Variants in NEIL3 observed in about 807,000 individuals in gnomAD.
NEIL3 encodes the protein nei like DNA glycosylase 3.
Under a neutral mutation model 57.5 loss-of-function variants are expected in NEIL3, and 48 were observed. That is an observed-to-expected ratio of 0.83 (90% CI 0.66 to 1.06). NEIL3 has a LOEUF of 1.06. Ranked by LOEUF, NEIL3 falls within the 50% of genes least tolerant of loss-of-function variation. The pLI, the probability that NEIL3 is intolerant of heterozygous loss-of-function variation, is 0.00. For missense variants in NEIL3, 717 were observed against 739.1 expected (o/e 0.97, Z 0.35); for synonymous variants, 261 against 253.2 (o/e 1.03, Z -0.29).
intron 8 of NEIL3, among the ~76,000 whole-genome samples, chr4:177,357,733 T>C (rs1341564012): frequency 3.3e-5 from 5 of 152,182 alleles, no homozygotes; most frequent in Admixed American, 1.3e-4. Context: ...TTTACATTTG[T>C]TTAGATATTA....
chr4:177,368,648 A>G, the NEIL3 span, among the ~76,000 whole-genome samples: 2 of 152,198 alleles, frequency 1.3e-5, no homozygotes, highest in Non-Finnish European at 2.9e-5. Flanking sequence ...TTGTAGATGG[A>G]GGTTTAATAT....
chr4:177,347,126 G>A (rs925941893), intron 6 of NEIL3, among the ~76,000 whole-genome samples: 3 of 152,148 alleles, frequency 2.0e-5, no homozygotes, highest in East Asian at 3.9e-4. Context: ...TGACGGAGAC[G>A]GCTCATTTTT....
In NEIL3 at chr4:177,351,376, A is replaced by C. The variant is rs764180605; in HGVS notation, c.870-4A>C. 41 of 1,597,600 alleles carry C rather than the reference A, an allele frequency of 2.6e-5. No homozygotes were observed. The African/African-American group carries it at 4.7e-4, about 18-fold the overall frequency. On this transcript the variant is annotated splice_region_variant and splice_polypyrimidine_tract_variant and intron_variant, in intron 6 of 9. Coordinates refer to ENST00000264596, the MANE Select transcript of NEIL3 (RefSeq NM_018248.3). ...AATGATTAATTTTAAAAATTATCTT[A>C]TAGCAAGCTACCGACTAGAAATACT...
rs183662788 is a variant in NEIL3, at chr4:177,362,523, G to A, written c.*52G>A. 1 of 1,339,890 alleles carries A rather than the reference G, an allele frequency of 7.5e-7. No individual in the cohort carries two copies. Among genetic ancestry groups the A allele is most frequent in the South Asian group, 1.5e-5 (1 of 68,938 alleles). The allele number at this position is 1,339,890 out of a possible 1,614,324, so 83.0% of individuals were successfully genotyped here. A position where few individuals can be genotyped will look rare whatever the true frequency, so the allele number is the denominator to read the frequency against. Reference sequence around the variant, plus strand: ...CTCTTCAAACTGTGTATAATGTTTGGTCCTCCTCTGTTTCATAGAAAAGTC... The same window carrying A: ...CTCTTCAAACTGTGTATAATGTTTGATCCTCCTCTGTTTCATAGAAAAGTC... On this transcript the variant is annotated 3_prime_UTR_variant, in exon 10 of 10. Transcript: ENST00000264596.
intron 1 of NEIL3, among the ~76,000 whole-genome samples, 192 bp downstream of exon 1, chr4:177,310,301 G>A (rs1246543403): frequency 2.0e-5 from 3 of 152,242 alleles, no homozygotes; most frequent in Non-Finnish European, 4.4e-5. Context: ...CAGGAGAGGA[G>A]GGCTAGCGTT....
chr4:177,327,441 A>G (rs1435506759), intron 2 of NEIL3, among the ~76,000 whole-genome samples: 1 of 152,142 alleles, frequency 6.6e-6, no homozygotes, highest in East Asian at 1.9e-4. Flanking sequence ...ATTTACTTCA[A>G]GTTCTAGGAT....
intron 2 of NEIL3, among the ~76,000 whole-genome samples, chr4:177,324,327 CA>C (rs1734739433): frequency 6.6e-6 from 1 of 152,162 alleles, no homozygotes; most frequent in Admixed American, 6.6e-5. Context: ...CAACTTTTCA[CA>C]AGCAAAATTG....
At chr4:177,364,954 A>G (rs1024951158), downstream of NEIL3, among the ~76,000 whole-genome samples, 1 of 151,800 alleles carries the variant, frequency 6.6e-6, no homozygotes, top group Admixed American at 6.6e-5. Context: ...CTGAGCCAAG[A>G]TATTATCTGC....
At chr4:177,366,103 AG>A (rs750479464), downstream of NEIL3, among the ~76,000 whole-genome samples, 2 of 152,362 alleles carry the variant, frequency 1.3e-5, no homozygotes, top group Non-Finnish European at 2.9e-5. Context: ...AATATTCAAG[AG>A]GCAATACAGA....
In NEIL3 at chr4:177,335,744, A is replaced by G. The variant is rs1337811429; in HGVS notation, c.335A>G (p.Lys112Arg). 1.3e-6 allele frequency: 2 copies of G among 1,597,536 alleles called. No homozygotes were observed. The highest frequency in any genetic ancestry group is 3.5e-5 in the Admixed American group (2 of 56,622). The change falls in exon 3 of 10, where the codon AAA (lysine) becomes AGA (arginine). Residue 112 changes from lysine (K) to arginine (R), a missense_variant. Transcript: ENST00000264596. ...IMINPLEYKY[K>R]NGASPVLEVQ... ...ATTAATCCACTTGAGTATAAATATA[A>G]AAATGGAGCTTCTCCTGTTTTGGAA...
Position 177,353,360 on chromosome 4 carries a change from G to C in NEIL3, c.1092G>C (p.Lys364Asn), listed in dbSNP as rs770884144. The C allele has an allele frequency of 1.2e-6, 2 of 1,613,742 alleles. No homozygotes were observed. Among genetic ancestry groups the C allele is most frequent in the East Asian group, 4.5e-5 (2 of 44,862 alleles). ...ENSTVFSHLM[K>N]YPCNTFGKPH... is the part of the protein sequence containing the mutation. Reference sequence around the variant, plus strand: ...CTACTGTCTTTAGCCACTTAATGAAGTACCCGTGTAATACTTTTGGAAAAC... The same window carrying C: ...CTACTGTCTTTAGCCACTTAATGAACTACCCGTGTAATACTTTTGGAAAAC... Residue 364 changes from lysine (K) to asparagine (N), a missense_variant, in exon 8 of 10, where the codon AAG (lysine) becomes AAC (asparagine). Physicochemically the swap from Lys to Asn is moderately conservative, Grantham distance 94 (BLOSUM62 0). Coordinates refer to ENST00000264596, the MANE Select transcript of NEIL3 (RefSeq NM_018248.3).
chr4:177,339,519 C>T (rs924574060), intron 4 of NEIL3, among the ~76,000 whole-genome samples: 1 of 152,104 alleles, frequency 6.6e-6, no homozygotes, highest in African/African-American at 2.4e-5. Flanking sequence ...AGTCGGTCAT[C>T]ATAAAGTTAT....
intron 4 of NEIL3, among the ~76,000 whole-genome samples, chr4:177,337,346 T>C (rs1734997902): frequency 6.6e-6 from 1 of 152,224 alleles, no homozygotes; most frequent in African/African-American, 2.4e-5. Context: ...AATTATCTTT[T>C]ACATAAACCC....
Position 177,328,580 on chromosome 4 carries a change from CTAATA to C in NEIL3, c.278+6003_278+6007del, listed in dbSNP as rs1320382010. On this transcript the variant is annotated intron_variant, in intron 2 of 9. Coordinates refer to ENST00000264596, the MANE Select transcript of NEIL3 (RefSeq NM_018248.3). ...TCTCAACTCAGAATTCTAAACCCAT[CTAATA>C]TATCTATTAAAAATGAAGGTATAAT... Among the ~76,000 whole-genome samples the C allele has an allele frequency of 3.0e-4, 46 of 152,222 alleles. 1 individual carries two copies. The highest frequency in any genetic ancestry group is 9.4e-4 in the African/African-American group (39 of 41,546).
At chr4:177,312,796 A>G (rs897668530) in intron 1 of NEIL3, among the ~76,000 whole-genome samples, 4 of 152,132 alleles carry the variant, frequency 2.6e-5, no homozygotes, top group African/African-American at 4.8e-5. Context: ...TGGAAGGAAT[A>G]CATTCTTTGA....
At chr4:177,325,221 A>G (rs1309750450) in intron 2 of NEIL3, among the ~76,000 whole-genome samples, 1 of 152,080 alleles carries the variant, frequency 6.6e-6, no homozygotes, top group African/African-American at 2.4e-5. Flanking sequence ...AGTTTGCTGA[A>G]ATGTCTTTAT....
At chr4:177,353,759 T>A (rs1316404803) in intron 8 of NEIL3, 31 bp downstream of exon 8, 13 of 1,510,312 alleles carry the variant, frequency 8.6e-6, no homozygotes, top group South Asian at 1.2e-5. Context: ...GTCTTTAAGA[T>A]AATTGCTTTT....
intron 1 of NEIL3, among the ~76,000 whole-genome samples, chr4:177,318,764 G>A (rs186108978): frequency 6.2e-4 from 95 of 152,024 alleles, no homozygotes; most frequent in East Asian, 2.9e-3. Flanking sequence ...TTTCTTTTCC[G>A]AATGTTCTAA....
At chr4:177,318,718 C>G (rs1379848650) in intron 1 of NEIL3, among the ~76,000 whole-genome samples, 4 of 152,184 alleles carry the variant, frequency 2.6e-5, no homozygotes, top group African/African-American at 9.7e-5. Context: ...ACCCGTTGCA[C>G]CCTCCCCCAA....
Sources: allele counts gnomAD v4.1 joint callset (sites outside exome capture counted in the v4.1 genomes callset), GRCh38; gene constraint gnomAD v4.1.1; transcripts MANE v1.5; gene names NCBI Gene and HGNC (gene_info 2026-07-23, HGNC 2026-07-21).